FNDC3B: variants seen among roughly 807,000 people sequenced by gnomAD.
The protein encoded by FNDC3B is fibronectin type III domain containing 3B.
FNDC3B carries 12 observed loss-of-function variants against 151.5 expected under a neutral mutation model. The ratio of observed to expected loss-of-function variants is 0.08; its 90% CI spans 0.05 to 0.13. FNDC3B has a LOEUF of 0.13. FNDC3B is among the 10% of genes least tolerant of loss of function. FNDC3B has a pLI of 1.00. For synonymous variants in FNDC3B, 528 were observed against 549.0 expected (o/e 0.96, Z 0.54); for missense variants, 1,214 against 1,505.3 (o/e 0.81, Z 3.20).
chr3:172,395,933 G>A (rs2108399241), intron 25 of FNDC3B, among the ~76,000 whole-genome samples: 1 of 152,300 alleles, frequency 6.6e-6, no homozygotes, highest in East Asian at 1.9e-4. Context: ...TGAAGAGGAT[G>A]TGGTGCAACT....
chr3:172,112,415 T>C lies in FNDC3B; in HGVS notation c.-28-37T>C, dbSNP rs74745894. 16,043 of 1,105,836 alleles carry C rather than the reference T, an allele frequency of 0.015. 906 individuals are homozygous for C. The African/African-American group carries it at 0.16, about 11-fold the overall frequency. 68.5% of individuals were successfully genotyped at this position (1,105,836 alleles called of 1,614,324 possible). On this transcript the variant is annotated intron_variant, in intron 1 of 25. Transcript: ENST00000415807. ...TTGTGTTACAGGTGATTTTTGTGGT[T>C]CTGAGTCCTTTTTAAAAAGCGGCGG... is the stretch of plus-strand genomic sequence containing the variant.
chr3:172,284,234 A>G (rs529353158), intron 6 of FNDC3B, among the ~76,000 whole-genome samples: 1 of 152,320 alleles, frequency 6.6e-6, no homozygotes, highest in South Asian at 2.1e-4. Flanking sequence ...CTGCTTTTGT[A>G]TGGCCCACAA....
At chr3:172,131,266 G>A (rs1047269278) in intron 2 of FNDC3B, among the ~76,000 whole-genome samples, 5 of 152,134 alleles carry the variant, frequency 3.3e-5, no homozygotes, top group Admixed American at 6.5e-5. Context: ...GGTGGTGCAG[G>A]CCTGTAATCC....
At chr3:172,223,903 G>A (rs1249850171) in intron 3 of FNDC3B, among the ~76,000 whole-genome samples, 48 of 152,224 alleles carry the variant, frequency 3.2e-4, no homozygotes, top group Non-Finnish European at 5.9e-5. Flanking sequence ...TGCTCTAAGC[G>A]CTTTTGCGTG....
chr3:172,066,353 A>C (rs1022459709), intron 1 of FNDC3B, among the ~76,000 whole-genome samples: 1 of 152,212 alleles, frequency 6.6e-6, no homozygotes, highest in Non-Finnish European at 1.5e-5. Flanking sequence ...CTTCATATCA[A>C]CCCTGGAAGG....
chr3:172,106,601 AG>A, intron 1 of FNDC3B, among the ~76,000 whole-genome samples: 1 of 152,270 alleles, frequency 6.6e-6, no homozygotes, highest in Admixed American at 6.5e-5. Context: ...AGTGAGGACC[AG>A]GACATTTTGT....
chr3:172,098,928 A>G (rs1719230798), intron 1 of FNDC3B, among the ~76,000 whole-genome samples: 1 of 152,138 alleles, frequency 6.6e-6, no homozygotes, highest in South Asian at 2.1e-4. Context: ...CCTCGGTTGA[A>G]TGGGAGGTTT....
At chr3:172,071,292 T>G (rs1293483339) in intron 1 of FNDC3B, among the ~76,000 whole-genome samples, 4 of 152,194 alleles carry the variant, frequency 2.6e-5, no homozygotes, top group Non-Finnish European at 5.9e-5. Flanking sequence ...ACTCAACTAA[T>G]TTGGAATTTT....
At chr3:172,327,349 G>A (rs898878942) in intron 11 of FNDC3B, among the ~76,000 whole-genome samples, 5 of 152,194 alleles carry the variant, frequency 3.3e-5, no homozygotes, top group African/African-American at 1.2e-4. Context: ...TCTAGGAGGT[G>A]GGTGGGGAAG....
At chr3:172,302,685 T>C (rs559934971) in intron 9 of FNDC3B, 105 of 152,338 alleles carry the variant, frequency 6.9e-4, no homozygotes, top group African/African-American at 2.4e-3. Flanking sequence ...ACTTTCATAT[T>C]TGTTACCCTA....
Position 172,397,439 on chromosome 3 carries a change from A to T in FNDC3B, c.3579A>T (p.Leu1193Phe). The part of the protein sequence containing the change: ...IVLGFATLSI[L>F]FAFILQYFLM... ...TTGGCTTTGCAACTTTGTCCATTTT[A>T]TTTGCCTTTATATTACAGTACTTCT... Residue 1193 changes from leucine to phenylalanine, a missense_variant, in exon 26 of 26, where the codon TTA becomes TTT. By Grantham distance (22) the Leu-to-Phe change is conservative (BLOSUM62 0). Transcript: ENST00000415807. 3 of 1,611,828 alleles carry T rather than the reference A, an allele frequency of 1.9e-6. No homozygotes were observed. The highest frequency in any genetic ancestry group is 2.2e-5 in the East Asian group (1 of 44,868).
At position 172,326,813 on chromosome 3, in the gene FNDC3B, T is replaced by C. The variant is rs549732481; in HGVS notation, c.1255-2139T>C. ...TTAACCTAGTAAGAAACACTGACTTTTTTTTTACTGGCTACAGTTCTAAGC... is the reference window on the plus strand; with the variant it reads ...TTAACCTAGTAAGAAACACTGACTTCTTTTTTACTGGCTACAGTTCTAAGC... On this transcript the variant is annotated intron_variant, in intron 11 of 25. Transcript: ENST00000415807. Among the ~76,000 whole-genome samples the C allele has an allele frequency of 1.5e-3, 234 of 152,188 alleles. 1 individual carries two copies. The highest frequency in any genetic ancestry group is 5.3e-3 in the African/African-American group (220 of 41,504).
chr3:172,342,060 C>T lies in FNDC3B; in HGVS notation c.1971+829C>T, dbSNP rs75902837. On this transcript the variant is annotated intron_variant, in intron 17 of 25. Coordinates refer to ENST00000415807, the MANE Select transcript of FNDC3B (RefSeq NM_022763.4). ...AAAGAGAAGGAGAGATGGTGGCTTA[C>T]AGCCCTGTGCTGGGTTGACTTTTCA... 1.3e-3 allele frequency among the ~76,000 whole-genome samples: 192 copies of T among 152,340 alleles called. 1 individual carries two copies. Among genetic ancestry groups the T allele is most frequent in the African/African-American group, 4.3e-3 (177 of 41,574 alleles).
At chr3:172,190,434 G>A (rs2108670074) in intron 3 of FNDC3B, among the ~76,000 whole-genome samples, 1 of 152,286 alleles carries the variant, frequency 6.6e-6, no homozygotes, top group South Asian at 2.1e-4. Flanking sequence ...CCAAATGCTA[G>A]GAATCGGATT....
intron 11 of FNDC3B, among the ~76,000 whole-genome samples, chr3:172,320,102 G>A (rs184715394): frequency 2.4e-4 from 36 of 152,292 alleles, no homozygotes; most frequent in Non-Finnish European, 3.8e-4. Flanking sequence ...GAAAGAGGCC[G>A]GGCTCAGTGG....
intron 2 of FNDC3B, among the ~76,000 whole-genome samples, chr3:172,127,768 C>T (rs548597915): frequency 1.1e-4 from 17 of 152,200 alleles, no homozygotes; most frequent in African/African-American, 2.4e-4. Context: ...CGAGTTCAAG[C>T]GATTCTCATG....
Position 172,362,553 on chromosome 3 carries a change from T to A in FNDC3B, c.2796-80T>A. 3 of 1,056,144 alleles carry A rather than the reference T, an allele frequency of 2.8e-6. 1 individual carries two copies. In the South Asian group the frequency reaches 4.0e-5, roughly 14 times the overall value. The allele number at this position is 1,056,144 out of a possible 1,614,324, so 65.4% of individuals were successfully genotyped here. A position where few individuals can be genotyped will look rare whatever the true frequency, so the allele number is the denominator to read the frequency against. ...TGCTTTAGGGACAAGTAATAAATAC[T>A]ATGCTCAATGTTTATTTCGAATGAA... On this transcript the variant is annotated intron_variant, in intron 22 of 25. Transcript: ENST00000415807.
At chr3:172,094,640 C>T (rs763481395) in intron 1 of FNDC3B, among the ~76,000 whole-genome samples, 1 of 152,048 alleles carries the variant, frequency 6.6e-6, no homozygotes, top group Non-Finnish European at 1.5e-5. Flanking sequence ...GAGGAATCTG[C>T]GTTTTTAAAC....
At chr3:172,223,833 G>A (rs1353872637) in intron 3 of FNDC3B, among the ~76,000 whole-genome samples, 1 of 152,176 alleles carries the variant, frequency 6.6e-6, no homozygotes, top group Non-Finnish European at 1.5e-5. Context: ...ATTATAAAAA[G>A]CATTGTAAAG....
Sources: gnomAD v4.1 joint callset for allele counts (sites outside exome capture counted in the v4.1 genomes callset) on GRCh38, gnomAD v4.1.1 for gene constraint, MANE v1.5 for transcripts, NCBI Gene and HGNC (gene_info 2026-07-23, HGNC 2026-07-21) for gene names.